FAAH2: variants seen among roughly 807,000 people sequenced by gnomAD.
FAAH2 encodes the protein fatty acid amide hydrolase 2, also known as fatty-acid amide hydrolase 2.
A neutral mutation model predicts 36.9 loss-of-function variants in FAAH2; 60 were observed. The observed-to-expected ratio is 1.63, with a 90% confidence interval of 1.32 to 2.02. FAAH2 has a LOEUF of 2.02. Ranked by LOEUF, FAAH2 falls within the 30% of genes most tolerant of loss-of-function variation. The pLI, the probability that FAAH2 is intolerant of heterozygous loss-of-function variation, is 0.00. For missense variants in FAAH2, 689 were observed against 397.5 expected (o/e 1.73, Z -6.23); for synonymous variants, 214 against 143.8 (o/e 1.49, Z -3.49).
At chrX:57,192,671 G>T in the FAAH2 span, among the ~76,000 whole-genome samples, 1 of 111,739 alleles carries the variant, frequency 8.9e-6, no homozygotes, top group Non-Finnish European at 1.9e-5. Context: ...AGGAAGTCAG[G>T]GACCCCAAAT....
chrX:57,290,852 C>G (rs1436914077), intron 1 of FAAH2, among the ~76,000 whole-genome samples: 1 of 111,386 alleles, frequency 9.0e-6, no homozygotes, highest in Non-Finnish European at 1.9e-5. Context: ...TTGTGAATTT[C>G]CTGATAATTT....
intron 5 of FAAH2, among the ~76,000 whole-genome samples, chrX:57,364,180 T>G (rs1053362686): frequency 9.2e-6 from 1 of 109,220 alleles, no homozygotes; most frequent in South Asian, 4.0e-4. Context: ...TGAATCCGTT[T>G]GGTGCAGGGC....
At chrX:57,244,349 C>T in the FAAH2 span, among the ~76,000 whole-genome samples, 2 of 111,010 alleles carry the variant, frequency 1.8e-5, no homozygotes, top group African/African-American at 6.6e-5. Context: ...AGAACTTCCC[C>T]AACCTAGAAA....
chrX:57,157,113 C>T, the FAAH2 span, among the ~76,000 whole-genome samples: 3 of 111,596 alleles, frequency 2.7e-5, no homozygotes, highest in African/African-American at 6.5e-5. Flanking sequence ...TGAGCTGATA[C>T]CCAGTTGCAA....
intron 4 of FAAH2, among the ~76,000 whole-genome samples, chrX:57,333,214 A>T (rs945381516): frequency 1.8e-5 from 2 of 111,711 alleles, no homozygotes; most frequent in Non-Finnish European, 3.8e-5. Flanking sequence ...GGTGGAAACA[A>T]TGGCACTAGT....
the FAAH2 span, among the ~76,000 whole-genome samples, chrX:57,229,835 G>T: frequency 2.7e-5 from 3 of 111,330 alleles, no homozygotes; most frequent in Non-Finnish European, 3.8e-5. Context: ...TGGAAGCTTT[G>T]TAATCTTGTC....
chrX:57,434,597 A>G (rs1027131869), intron 8 of FAAH2, among the ~76,000 whole-genome samples: 5 of 110,395 alleles, frequency 4.5e-5, no homozygotes, highest in African/African-American at 1.6e-4. Context: ...ATCCAATCAA[A>G]CAAAAATAAA....
the FAAH2 span, among the ~76,000 whole-genome samples, chrX:57,260,755 G>T: frequency 9.0e-6 from 1 of 111,219 alleles, no homozygotes; most frequent in African/African-American, 3.3e-5. Flanking sequence ...GTGTGTGTGT[G>T]TGTGTATATA....
chrX:57,331,958 G>C (rs1047165904), intron 4 of FAAH2, 151 bp downstream of exon 4: 2 of 528,358 alleles, frequency 3.8e-6, no homozygotes, highest in Admixed American at 3.8e-5. Context: ...AGAAGAAATG[G>C]GAGTCATGTA....
chrX:57,325,149 T>A (rs1438615503), intron 3 of FAAH2, among the ~76,000 whole-genome samples: 4 of 112,148 alleles, frequency 3.6e-5, no homozygotes, highest in Non-Finnish European at 7.5e-5. Context: ...ATTTATTGAT[T>A]TGTGTATGTT....
rs764391852 is a variant in FAAH2, at chrX:57,320,437, A to G, written c.412+9708A>G. ...GAAAAAAAGCTCATCATCCCTGGTC[A>G]TTAGAGAAATGCAAATCAAAACCAC... On this transcript the variant is annotated intron_variant, in intron 3 of 10. Coordinates refer to ENST00000374900, the MANE Select transcript of FAAH2 (RefSeq NM_174912.4). 1.8e-4 allele frequency among the ~76,000 whole-genome samples: 20 copies of G among 112,800 alleles called. 1 individual carries two copies. Among genetic ancestry groups the G allele is most frequent in the Admixed American group, 9.4e-4 (10 of 10,655 alleles).
the FAAH2 span, among the ~76,000 whole-genome samples, chrX:57,163,018 G>A: frequency 8.9e-6 from 1 of 111,895 alleles, no homozygotes; most frequent in African/African-American, 3.2e-5. Flanking sequence ...TTTGATGATG[G>A]TGATGTACAG....
the FAAH2 span, among the ~76,000 whole-genome samples, chrX:57,248,942 CATA>C: frequency 8.3e-5 from 9 of 108,844 alleles, no homozygotes; most frequent in African/African-American, 3.0e-4. Context: ...TTGGGCTTCA[CATA>C]ATATGTCTGC....
At chrX:57,145,116 C>T in the FAAH2 span, among the ~76,000 whole-genome samples, 7 of 111,524 alleles carry the variant, frequency 6.3e-5, no homozygotes, top group South Asian at 2.6e-3. Flanking sequence ...ACTTTTAGTT[C>T]CCTAAGGAAT....
chrX:57,445,044 T>C (rs1179101670), intron 8 of FAAH2, among the ~76,000 whole-genome samples: 1 of 112,040 alleles, frequency 8.9e-6, no homozygotes, highest in Non-Finnish European at 1.9e-5. Flanking sequence ...GATGCTTATG[T>C]ACATTTATTA....
chrX:57,439,866 C>A (rs755019354), intron 8 of FAAH2, among the ~76,000 whole-genome samples: 2 of 111,819 alleles, frequency 1.8e-5, no homozygotes, highest in Non-Finnish European at 3.8e-5. Context: ...GGAATCCTTT[C>A]CCCATTTCTT....
chrX:57,328,451 T>C (rs1011761251), intron 3 of FAAH2, among the ~76,000 whole-genome samples: 3 of 112,055 alleles, frequency 2.7e-5, no homozygotes, highest in Admixed American at 9.5e-5. Context: ...GTCTTTCAGC[T>C]CCTGTATGTT....
intron 2 of FAAH2, among the ~76,000 whole-genome samples, chrX:57,296,672 T>C (rs970131895): frequency 9.0e-5 from 10 of 111,290 alleles, no homozygotes; most frequent in African/African-American, 3.3e-4. Context: ...AGGAGGAAGT[T>C]TGAACCCATG....
chrX:57,410,995 C>T (rs973821734), intron 7 of FAAH2, among the ~76,000 whole-genome samples: 4 of 111,599 alleles, frequency 3.6e-5, no homozygotes, highest in Non-Finnish European at 7.5e-5. Flanking sequence ...TTTCCTTGAT[C>T]CTTTATGTTC....
Sources: gnomAD v4.1 joint callset for allele counts (sites outside exome capture counted in the v4.1 genomes callset) on GRCh38, gnomAD v4.1.1 for gene constraint, MANE v1.5 for transcripts, NCBI Gene and HGNC (gene_info 2026-07-23, HGNC 2026-07-21) for gene names.